Variants in POSTN observed in about 807,000 individuals in gnomAD.
The protein encoded by POSTN is osteoblast specific factor 2 (fasciclin I-like).
A neutral mutation model predicts 104.5 loss-of-function variants in POSTN; 71 were observed. The observed-to-expected ratio is 0.68, with a 90% CI of 0.56 to 0.83. The LOEUF (loss-of-function observed/expected upper bound fraction) is 0.83, where lower values mean the gene tolerates loss of function less well. POSTN is among the 40% of genes least tolerant of loss of function. The probability of loss-of-function intolerance (pLI) is 0.00; values close to 1 mark genes in which losing one functional copy is unlikely to be tolerated. For synonymous variants in POSTN, 355 were observed against 340.7 expected, an observed-to-expected ratio of 1.04 and a Z score of -0.46; for missense variants, 949 against 1,006.8, an observed-to-expected ratio of 0.94 and a Z score of 0.78.
At chr13:37,593,132 G>T (rs1242640261) in intron 2 of POSTN, among the ~76,000 whole-genome samples, 1 of 151,058 alleles carries the variant, frequency 6.6e-6, no homozygotes, top group East Asian at 1.9e-4. Context: ...AGTTAACGAA[G>T]TGTGTTAAGT....
rs527977941 is a variant in POSTN, at chr13:37,575,560, G to T, written c.2009-908C>A. ...ATGTGCCTCTGAAGCCACACAGCCAGAGCAACTGGCTTTTTGTCATTTCTA... is the reference window on the plus strand; with the variant it reads ...ATGTGCCTCTGAAGCCACACAGCCATAGCAACTGGCTTTTTGTCATTTCTA... On this transcript the variant is annotated intron_variant, in intron 16 of 22. Coordinates refer to ENST00000379747, the MANE Select transcript of POSTN (RefSeq NM_006475.3). 3.3e-5 allele frequency among the ~76,000 whole-genome samples: 5 copies of T among 152,220 alleles called. No homozygotes were observed. The South Asian group carries it at 1.0e-3, about 32-fold the overall frequency.
intron 22 of POSTN, 48 bp downstream of exon 22, chr13:37,564,471 G>A (rs760093559): frequency 1.9e-6 from 2 of 1,035,686 alleles, no homozygotes. Flanking sequence ...TTCTCTTCAT[G>A]TAACAAAAGA....
intron 22 of POSTN, 28 bp from the exon 23 acceptor site, chr13:37,563,398 G>C (rs747389072): frequency 1.3e-5 from 19 of 1,446,814 alleles, no homozygotes; most frequent in Non-Finnish European, 1.7e-5. Context: ...AGAATGTATA[G>C]ACTGTAAATG....
At chr13:37,569,862 G>A (rs1210762781) in intron 19 of POSTN, 41 bp from the exon 20 acceptor site, 2 of 1,345,346 alleles carry the variant, frequency 1.5e-6, no homozygotes, top group African/African-American at 1.5e-5. Flanking sequence ...ACAGAAGTAG[G>A]CAAACTTCTT....
intron 2 of POSTN, among the ~76,000 whole-genome samples, chr13:37,592,519 C>T (rs1167306686): frequency 1.3e-5 from 2 of 152,132 alleles, no homozygotes; most frequent in Admixed American, 6.5e-5. Flanking sequence ...AGGATGGTCT[C>T]AATTTCCTGA....
At position 37,579,222 on chromosome 13, in the gene POSTN, AACTT is replaced by A. The variant is rs1383413136; in HGVS notation, c.1791+3_1791+6del. On this transcript the variant is annotated splice_donor_5th_base_variant and intron_variant, in intron 13 of 22. Coordinates refer to ENST00000379747, the MANE Select transcript of POSTN (RefSeq NM_006475.3). ...ACACTATCATAAATTCATTCTAGAC[AACTT>A]ACTTCTTTCAGAAAGATTTTGCTTC... The A allele has an allele frequency of 1.9e-6, 3 of 1,610,234 alleles. No homozygotes were observed. The highest frequency in any genetic ancestry group is 2.2e-5 in the East Asian group (1 of 44,708).
chr13:37,582,490 C>T lies in POSTN; in HGVS notation c.1268G>A (p.Arg423His), dbSNP rs766771670. 278 of 1,611,410 alleles carry T rather than the reference C, an allele frequency of 1.7e-4. No individual in the cohort carries two copies. The highest frequency in any genetic ancestry group is 8.9e-5 in the East Asian group (4 of 44,834). Residue 423 changes from arginine to histidine, a missense_variant, in exon 10 of 23, where the codon CGC becomes CAC. Transcript: ENST00000379747. ...FSDDTLSMDQ[R>H]LLKLILQNHI... ...ATTCTGCAGAATTAATTTAAGGAGG[C>T]GCTGATCCATGCTGAGAGTATCATC...
intron 20 of POSTN, 54 bp downstream of exon 20, chr13:37,569,690 T>G: frequency 8.0e-7 from 1 of 1,248,348 alleles, no homozygotes; most frequent in African/African-American, 1.5e-5. Context: ...ATTTTAGACT[T>G]GTATATGGAT....
intron 4 of POSTN, among the ~76,000 whole-genome samples, chr13:37,589,373 G>A (rs1328784024): frequency 6.6e-6 from 1 of 152,006 alleles, no homozygotes; most frequent in Non-Finnish European, 1.5e-5. Flanking sequence ...TATACTTTAA[G>A]TTTTAGGGTA....
At chr13:37,574,042 A>G (rs1264948987) in intron 17 of POSTN, among the ~76,000 whole-genome samples, 3 of 151,614 alleles carry the variant, frequency 2.0e-5, no homozygotes, top group African/African-American at 7.2e-5. Context: ...TAAACTACTC[A>G]TTTTGTTTTA....
chr13:37,587,850 C>T lies in POSTN; in HGVS notation c.578G>A (p.Gly193Glu). ...MIIPSMYNNL[G>E]LFINHYPNGV... ...ATTAGGATAATGGTTAATGAAAAGC[C>T]CCAAATTGTTATACATTGAAGGAAT... Residue 193 changes from glycine (G) to glutamate (E), a missense_variant, in exon 5 of 23, where the codon GGG (glycine) becomes GAG (glutamate). Physicochemically the swap from Gly to Glu is moderately conservative, Grantham distance 98 (BLOSUM62 -2). Coordinates refer to ENST00000379747, the MANE Select transcript of POSTN (RefSeq NM_006475.3). 6.2e-7 allele frequency: 1 copy of T among 1,602,364 alleles called. No homozygotes were observed. Among genetic ancestry groups the T allele is most frequent in the Non-Finnish European group, 8.5e-7 (1 of 1,171,408 alleles).
intron 9 of POSTN, among the ~76,000 whole-genome samples, chr13:37,583,414 G>C (rs185249643): frequency 6.7e-6 from 1 of 149,526 alleles, no homozygotes; most frequent in Admixed American, 6.7e-5. Context: ...GATTCACAGA[G>C]AAACTAAATA....
chr13:37,568,058 C>T (rs1950167200), intron 21 of POSTN, among the ~76,000 whole-genome samples: 1 of 151,898 alleles, frequency 6.6e-6, no homozygotes, highest in Admixed American at 6.6e-5. Context: ...TGTCTCTTCC[C>T]TCAAATCCTT....
intron 9 of POSTN, among the ~76,000 whole-genome samples, chr13:37,583,163 A>G (rs1950646137): frequency 6.6e-6 from 1 of 152,176 alleles, no homozygotes; most frequent in African/African-American, 2.4e-5. Flanking sequence ...GAATCTGAAC[A>G]TGGTCTGTGA....
chr13:37,563,284 G>A lies in POSTN; in HGVS notation c.*49C>T. 7.3e-7 allele frequency: 1 copy of A among 1,376,184 alleles called. No homozygotes were observed. Among genetic ancestry groups the A allele is most frequent in the Non-Finnish European group, 1.0e-6 (1 of 989,956 alleles). 85.2% of individuals were successfully genotyped at this position (1,376,184 alleles called of 1,614,324 possible). Reference sequence around the variant, plus strand: ...TGGCTCTCACAATTTTCTAAGGTCAGGTTATTGACTTAGGGTTGTATAAAC... The same window carrying A: ...TGGCTCTCACAATTTTCTAAGGTCAAGTTATTGACTTAGGGTTGTATAAAC... On this transcript the variant is annotated 3_prime_UTR_variant, in exon 23 of 23. Transcript: ENST00000379747.
At chr13:37,578,666 G>A (rs540619830) in intron 15 of POSTN, among the ~76,000 whole-genome samples, 178 bp downstream of exon 15, 11 of 151,846 alleles carry the variant, frequency 7.2e-5, no homozygotes, top group Non-Finnish European at 1.6e-4. Context: ...GGGTGTGGTG[G>A]TGGGCGCCTG....
chr13:37,586,028 T>C, intron 7 of POSTN, 111 bp downstream of exon 7: 3 of 1,062,774 alleles, frequency 2.8e-6, no homozygotes, highest in Non-Finnish European at 3.9e-6. Context: ...GAATAAAAAT[T>C]TTTCCCTGCC....
chr13:37,597,187 T>TCCA lies in POSTN; in HGVS notation c.214_215insTGG (p.Lys72delinsMetGlu). On this transcript the variant is annotated protein_altering_variant, in exon 2 of 23. Transcript: ENST00000379747. The stretch of plus-strand genomic sequence containing the variant: ...ATGAAAAAAAAAAGAGACTTACGTT[T>TCCA]TCTGTCCACAGATGGACTTTTTATA... The TCCA allele has an allele frequency of 6.5e-7, 1 of 1,543,314 alleles. No homozygotes were observed. The highest frequency in any genetic ancestry group is 8.7e-7 in the Non-Finnish European group (1 of 1,151,222).
At chr13:37,580,785 C>A in intron 10 of POSTN, 88 bp from the exon 11 acceptor site, 1 of 1,551,660 alleles carries the variant, frequency 6.4e-7, no homozygotes, top group South Asian at 1.2e-5. Context: ...GTTTCCGGAT[C>A]GGCCCTTCTG....
Sources: allele counts gnomAD v4.1 joint callset (sites outside exome capture counted in the v4.1 genomes callset), GRCh38; gene constraint gnomAD v4.1.1; transcripts MANE v1.5; gene names NCBI Gene and HGNC (gene_info 2026-07-23, HGNC 2026-07-21).